The following NETO1 variants were observed in gnomAD, a reference collection of about 807,000 sequenced individuals.
NETO1 encodes the protein neuropilin and tolloid-like protein 1.
In NETO1, 26 loss-of-function variants were observed where a neutral mutation model predicts 61.3. The observed-to-expected ratio is 0.42, with a 90% CI of 0.31 to 0.59. The LOEUF is 0.59. Ranked by LOEUF, NETO1 falls within the 20% of genes least tolerant of loss-of-function variation. The pLI is 0.12. For synonymous variants in NETO1, 225 were observed against 225.8 expected (o/e 1.00, Z 0.03); for missense variants, 531 against 662.8 (o/e 0.80, Z 2.18).
In NETO1 at chr18:72,794,312, A is replaced by T. The variant is rs765954411; in HGVS notation, c.511+51T>A. 1.9e-6 allele frequency: 3 copies of T among 1,613,680 alleles called. No homozygotes were observed. The South Asian group carries it at 3.3e-5, about 18-fold the overall frequency. ...GAATAATAAACCAAAAGTGTATTTC[A>T]TAGCAGAAAACAAAGTCTTCTGAAC... On this transcript the variant is annotated intron_variant, in intron 5 of 10. Transcript: ENST00000327305.
At chr18:72,848,141 T>C (rs577206908) in intron 4 of NETO1, among the ~76,000 whole-genome samples, 1 of 152,304 alleles carries the variant, frequency 6.6e-6, no homozygotes, top group Non-Finnish European at 1.5e-5. Flanking sequence ...GTCCCTATCA[T>C]CAAGTCAACT....
At chr18:72,816,498 C>A (rs1476377681) in intron 4 of NETO1, among the ~76,000 whole-genome samples, 8 of 152,136 alleles carry the variant, frequency 5.3e-5, no homozygotes. Context: ...AGCTCCTGAC[C>A]TGCAACATGG....
At chr18:72,773,945 T>C (rs2071459919) in intron 7 of NETO1, among the ~76,000 whole-genome samples, 1 of 151,938 alleles carries the variant, frequency 6.6e-6, no homozygotes, top group African/African-American at 2.4e-5. Context: ...TACAAATAAA[T>C]CTAATTATTT....
intron 10 of NETO1, 77 bp from the exon 11 acceptor site, chr18:72,748,241 T>C: frequency 3.1e-6 from 3 of 981,090 alleles, no homozygotes; most frequent in Non-Finnish European, 3.6e-6. Flanking sequence ...TAAGGTAATA[T>C]AGAGCATGGA....
chr18:72,831,541 C>T (rs776196169), intron 4 of NETO1, among the ~76,000 whole-genome samples: 10 of 152,168 alleles, frequency 6.6e-5, no homozygotes, highest in Non-Finnish European at 1.2e-4. Context: ...TACTTTAATT[C>T]ACCTGGACAT....
At chr18:72,798,057 C>A (rs999932047) in intron 4 of NETO1, among the ~76,000 whole-genome samples, 1 of 152,052 alleles carries the variant, frequency 6.6e-6, no homozygotes, top group Non-Finnish European at 1.5e-5. Context: ...ATTTTTTTAC[C>A]GTCTACTTCC....
intron 4 of NETO1, among the ~76,000 whole-genome samples, chr18:72,818,070 T>C (rs2145266073): frequency 6.6e-6 from 1 of 152,306 alleles, no homozygotes; most frequent in East Asian, 1.9e-4. Context: ...CTTTTGGTGT[T>C]AAATAAGATC....
chr18:72,836,229 C>T (rs1008963324), intron 4 of NETO1, among the ~76,000 whole-genome samples: 1 of 152,146 alleles, frequency 6.6e-6, no homozygotes. Context: ...GGGTGCTCCC[C>T]CTTTCTCTGC....
intron 4 of NETO1, among the ~76,000 whole-genome samples, chr18:72,851,885 AT>A (rs1227973897): frequency 6.6e-6 from 1 of 152,226 alleles, no homozygotes; most frequent in South Asian, 2.1e-4. Context: ...CACCGTGCTT[AT>A]ATAACTGATA....
chr18:72,860,230 C>T (rs1454111072), intron 3 of NETO1, among the ~76,000 whole-genome samples: 2 of 152,182 alleles, frequency 1.3e-5, no homozygotes, highest in African/African-American at 4.8e-5. Flanking sequence ...GAGTGCTTCC[C>T]TGCTACTTGG....
At chr18:72,785,075 C>T (rs2071867816) in intron 6 of NETO1, among the ~76,000 whole-genome samples, 1 of 152,152 alleles carries the variant, frequency 6.6e-6, no homozygotes, top group Admixed American at 6.5e-5. Context: ...GAATATTTTA[C>T]ATTTTATTTT....
intron 4 of NETO1, among the ~76,000 whole-genome samples, chr18:72,857,649 GAACA>G (rs2074447173): frequency 6.6e-6 from 1 of 152,212 alleles, no homozygotes; most frequent in East Asian, 1.9e-4. Flanking sequence ...CTAATAATCT[GAACA>G]AACAAATTAA....
At chr18:72,779,624 T>G (rs1277712431) in intron 7 of NETO1, among the ~76,000 whole-genome samples, 1 of 152,216 alleles carries the variant, frequency 6.6e-6, no homozygotes, top group Non-Finnish European at 1.5e-5. Context: ...CGTGGAATAC[T>G]TTCACTTCAA....
intron 8 of NETO1, 108 bp from the exon 9 acceptor site, chr18:72,750,728 C>A (rs936567643): frequency 1.7e-5 from 12 of 714,074 alleles, no homozygotes; most frequent in East Asian, 2.8e-5. Flanking sequence ...GTAAAGCAGG[C>A]TGAGCACAGA....
At chr18:72,834,520 T>A (rs1369679832) in intron 4 of NETO1, 1 of 961,142 alleles carries the variant, frequency 1.0e-6, no homozygotes, top group East Asian at 1.2e-4. Flanking sequence ...CTATTCTGAA[T>A]ATTAATTACT....
In NETO1 at chr18:72,778,437, TC is replaced by T. The variant is rs571066105; in HGVS notation, c.868+5240del. ...TTAATAATTGCATCTCTAAATCTTT[TC>T]TTTCTTCTTGAATTTTATGACAGGC... On this transcript the variant is annotated intron_variant, in intron 7 of 10. Transcript: ENST00000327305. Among the ~76,000 whole-genome samples, 8 of 152,328 alleles carry T rather than the reference TC, an allele frequency of 5.3e-5. No homozygotes were observed. In the East Asian group the frequency reaches 1.5e-3, roughly 29 times the overall value.
chr18:72,824,484 T>G (rs115631494), intron 4 of NETO1, among the ~76,000 whole-genome samples: 1 of 152,238 alleles, frequency 6.6e-6, no homozygotes, highest in East Asian at 1.9e-4. Flanking sequence ...AAATACTCAT[T>G]AACTGTTGAG....
At chr18:72,761,753 T>C (rs1201554915) in intron 7 of NETO1, among the ~76,000 whole-genome samples, 1 of 152,230 alleles carries the variant, frequency 6.6e-6, no homozygotes, top group Admixed American at 6.5e-5. Flanking sequence ...ATGTTATCTA[T>C]GGGTACCTTA....
chr18:72,824,001 C>G (rs745834607), intron 4 of NETO1, among the ~76,000 whole-genome samples: 5 of 152,180 alleles, frequency 3.3e-5, no homozygotes, highest in Non-Finnish European at 5.9e-5. Flanking sequence ...GCCTGACTTG[C>G]GTTTTCAAAC....
Sources: gnomAD v4.1 joint callset for allele counts (sites outside exome capture counted in the v4.1 genomes callset) on GRCh38, gnomAD v4.1.1 for gene constraint, MANE v1.5 for transcripts, NCBI Gene and HGNC (gene_info 2026-07-23, HGNC 2026-07-21) for gene names.